DOCK2: variants seen among roughly 807,000 people sequenced by gnomAD.
DOCK2 encodes dedicator of cytokinesis protein 2.
Under a neutral mutation model 248.9 loss-of-function variants are expected in DOCK2, and 87 were observed. The ratio of observed to expected loss-of-function variants is 0.35; its 90% CI spans 0.29 to 0.42. DOCK2 has a LOEUF of 0.42. DOCK2 is among the 10% of genes least tolerant of loss of function. The pLI is 1.00. For synonymous variants in DOCK2, 805 were observed against 821.6 expected, an observed-to-expected ratio of 0.98 and a Z score of 0.35; for missense variants, 1,747 against 2,300.2, an observed-to-expected ratio of 0.76 and a Z score of 4.92.
At chr5:169,927,246 G>A (rs780476857) in intron 27 of DOCK2, among the ~76,000 whole-genome samples, 20 of 152,116 alleles carry the variant, frequency 1.3e-4, no homozygotes, top group Non-Finnish European at 2.5e-4. Context: ...AGATGAATTC[G>A]GAGAGGTAGA....
chr5:169,980,531 G>A (rs1354928342), intron 27 of DOCK2: 2 of 152,030 alleles, frequency 1.3e-5, no homozygotes, highest in African/African-American at 4.8e-5. Context: ...TTAAGGAAGG[G>A]AGAGGAGAGA....
chr5:169,995,034 T>A (rs76953258), intron 29 of DOCK2, among the ~76,000 whole-genome samples: 51,084 of 146,142 alleles, frequency 0.35, 8,753 homozygotes, highest in East Asian at 0.52. Flanking sequence ...TTTTTATTTT[T>A]TTTTTTTTTT....
intron 25 of DOCK2, among the ~76,000 whole-genome samples, chr5:169,797,717 C>T (rs1184293548): frequency 6.6e-6 from 1 of 152,200 alleles, no homozygotes; most frequent in Non-Finnish European, 1.5e-5. Flanking sequence ...GGAACCCAGC[C>T]TGGGTGTGCA....
chr5:169,925,481 G>A (rs1215796709), intron 27 of DOCK2, among the ~76,000 whole-genome samples: 1 of 150,072 alleles, frequency 6.7e-6, no homozygotes, highest in Non-Finnish European at 1.5e-5. Context: ...TTGGGAGGCT[G>A]AGGCAGAAGA....
chr5:169,648,521 T>C (rs1227415673), intron 1 of DOCK2, among the ~76,000 whole-genome samples: 1 of 152,174 alleles, frequency 6.6e-6, no homozygotes, highest in African/African-American at 2.4e-5. Context: ...CCTGGCACAG[T>C]GCTGGGACCA....
intron 27 of DOCK2, among the ~76,000 whole-genome samples, chr5:169,865,010 A>T (rs1771452762): frequency 6.6e-6 from 1 of 152,192 alleles, no homozygotes; most frequent in African/African-American, 2.4e-5. Flanking sequence ...CGCTATCATC[A>T]TCATCATTAA....
chr5:169,868,052 G>A lies in DOCK2; in HGVS notation c.2799+27200G>A, dbSNP rs145197090. Among the ~76,000 whole-genome samples, 209 of 152,268 alleles carry A rather than the reference G, an allele frequency of 1.4e-3. 2 individuals carry two copies. The highest frequency in any genetic ancestry group is 4.8e-3 in the African/African-American group (199 of 41,524). ...ACAGAAAAACAATCTTCATCATAGA[G>A]TACCAGATAGAGCCAAAGAGAGTGG... On this transcript the variant is annotated intron_variant, in intron 27 of 51. Transcript: ENST00000520908.
intron 23 of DOCK2, 51 bp from the exon 24 acceptor site, chr5:169,759,654 A>G (rs1301944601): frequency 1.2e-6 from 2 of 1,604,450 alleles, no homozygotes; most frequent in Non-Finnish European, 1.7e-6. Flanking sequence ...CTTTGCCAGC[A>G]CAGACTTGTT....
intron 27 of DOCK2, among the ~76,000 whole-genome samples, chr5:169,887,791 A>G (rs184359551): frequency 8.5e-5 from 13 of 152,310 alleles, no homozygotes; most frequent in Admixed American, 8.5e-4. Context: ...GATTTCGTTG[A>G]TACTACCATG....
In DOCK2 at chr5:170,028,608, A is replaced by T. The variant is rs537965976; in HGVS notation, c.3467+660A>T. 4.4e-4 allele frequency: 68 copies of T among 153,914 alleles called. 1 individual carries two copies. The highest frequency in any genetic ancestry group is 2.0e-3 in the Middle Eastern group (3 of 1,492). The allele number at this position is 153,914 out of a possible 1,614,324, so 9.5% of individuals were successfully genotyped here. A position where few individuals can be genotyped will look rare whatever the true frequency, so the allele number is the denominator to read the frequency against. On this transcript the variant is annotated intron_variant, in intron 34 of 51. Coordinates refer to ENST00000520908, the MANE Select transcript of DOCK2 (RefSeq NM_004946.3). The stretch of plus-strand genomic sequence containing the variant: ...TCGAGATGTAATTTACATGCCATAC[A>T]ATTTACCCAAAGTGTACAATCATTG...
intron 22 of DOCK2, among the ~76,000 whole-genome samples, chr5:169,735,951 GGAGAGA>G (rs144466698): frequency 6.8e-6 from 1 of 146,728 alleles, no homozygotes; most frequent in Non-Finnish European, 1.5e-5. Context: ...GGGGGGAGAG[GGAGAGA>G]GAGAGAGAGA....
chr5:170,011,484 G>C (rs1470487391), intron 32 of DOCK2, among the ~76,000 whole-genome samples: 1 of 69,060 alleles, frequency 1.4e-5, no homozygotes, highest in African/African-American at 8.1e-5. Context: ...TTGAGGGTTG[G>C]TTGCAAAAAA....
intron 26 of DOCK2, among the ~76,000 whole-genome samples, chr5:169,837,798 C>G (rs969418284): frequency 2.6e-5 from 4 of 152,162 alleles, no homozygotes; most frequent in Non-Finnish European, 5.9e-5. Context: ...GCTATGCAAC[C>G]TCCCAATACT....
chr5:169,867,736 A>C (rs1771681306), intron 27 of DOCK2, among the ~76,000 whole-genome samples: 2 of 152,088 alleles, frequency 1.3e-5, no homozygotes, highest in African/African-American at 2.4e-5. Flanking sequence ...ATAACATCAC[A>C]GTCTCTTCTT....
At chr5:169,846,190 A>C (rs951270976) in intron 27 of DOCK2, among the ~76,000 whole-genome samples, 1 of 152,160 alleles carries the variant, frequency 6.6e-6, no homozygotes, top group Non-Finnish European at 1.5e-5. Context: ...GAGGGCCCCA[A>C]GTGGGTATAG....
At chr5:169,972,155 A>G (rs138697227) in intron 27 of DOCK2, among the ~76,000 whole-genome samples, 96 of 152,260 alleles carry the variant, frequency 6.3e-4, no homozygotes, top group African/African-American at 2.1e-3. Flanking sequence ...TCTTAGCTCA[A>G]TCTCTATCAA....
intron 27 of DOCK2, among the ~76,000 whole-genome samples, chr5:169,852,751 A>AT (rs1218313617): frequency 6.6e-6 from 1 of 152,230 alleles, no homozygotes; most frequent in African/African-American, 2.4e-5. Flanking sequence ...AAGATTACAA[A>AT]TTATTTTACA....
rs866182849 is a variant in DOCK2, at chr5:169,684,242, C to T, written c.653C>T (p.Ser218Phe). The T allele has an allele frequency of 1.2e-6, 2 of 1,614,158 alleles. No individual in the cohort carries two copies. The highest frequency in any genetic ancestry group is 1.7e-6 in the Non-Finnish European group (2 of 1,180,002). Reference protein sequence around the residue: ...DYAMYSRISSSPTHSLYVFVR... With the variant: ...DYAMYSRISSFPTHSLYVFVR... ...GCAATGTATTCCCGGATCTCCTCAT[C>T]CCCCACCCATAGCCTCTATGTGTTT... The change falls in exon 8 of 52, where the codon TCC (serine) becomes TTC (phenylalanine). Residue 218 changes from serine (S) to phenylalanine (F), a missense_variant. Transcript: ENST00000520908.
chr5:169,715,080 A>G (rs1761826398), intron 19 of DOCK2, among the ~76,000 whole-genome samples: 1 of 152,164 alleles, frequency 6.6e-6, no homozygotes, highest in South Asian at 2.1e-4. Flanking sequence ...ATTATGTATT[A>G]AAGACGGGAA....
Sources: allele counts gnomAD v4.1 joint callset (sites outside exome capture counted in the v4.1 genomes callset), GRCh38; gene constraint gnomAD v4.1.1; transcripts MANE v1.5; gene names NCBI Gene and HGNC (gene_info 2026-07-23, HGNC 2026-07-21).